KCNAB1: variants seen among roughly 807,000 people sequenced by gnomAD.
KCNAB1 encodes the protein potassium voltage-gated channel subfamily A regulatory beta subunit 1.
KCNAB1 carries 35 observed loss-of-function variants against 64.6 expected under a neutral mutation model. The observed-to-expected ratio is 0.54, with a 90% CI of 0.41 to 0.72. The LOEUF (loss-of-function observed/expected upper bound fraction) is 0.72. Ranked by LOEUF, KCNAB1 falls within the 30% of genes least tolerant of loss-of-function variation. The pLI, the probability that KCNAB1 is intolerant of heterozygous loss-of-function variation, is 0.00. For synonymous variants in KCNAB1, 177 were observed against 183.8 expected (o/e 0.96, Z 0.30); for missense variants, 401 against 512.9 (o/e 0.78, Z 2.11).
At chr3:156,133,059 G>T (rs1714095980) in intron 1 of KCNAB1, among the ~76,000 whole-genome samples, 1 of 152,140 alleles carries the variant, frequency 6.6e-6, no homozygotes. Flanking sequence ...AAAGCCTAAG[G>T]TACATTTCGT....
chr3:156,432,222 T>C (rs962940651), intron 2 of KCNAB1, among the ~76,000 whole-genome samples: 1 of 152,176 alleles, frequency 6.6e-6, no homozygotes, highest in Admixed American at 6.5e-5. Context: ...AAAACTGAAA[T>C]TCTCCCAGCT....
At chr3:156,410,359 T>C (rs1714563996) in intron 1 of KCNAB1, among the ~76,000 whole-genome samples, 1 of 148,414 alleles carries the variant, frequency 6.7e-6, no homozygotes, top group South Asian at 2.1e-4. Context: ...AAAGACTGTT[T>C]CCAAAATTAT....
In KCNAB1 at chr3:156,452,957, A is replaced by G; in HGVS notation, c.357+21A>G. 1.3e-6 allele frequency: 2 copies of G among 1,574,122 alleles called. No individual in the cohort carries two copies. The highest frequency in any genetic ancestry group is 8.7e-7 in the Non-Finnish European group (1 of 1,149,400). On this transcript the variant is annotated intron_variant, in intron 3 of 13. Coordinates refer to ENST00000490337, the MANE Select transcript of KCNAB1 (RefSeq NM_172160.3). The surrounding 1 kb of genome is among the most constrained non-coding windows in gnomAD (Gnocchi z 4.6). Reference sequence around the variant, plus strand: ...ATGAGGTAAGTTACCTTTGGCCTCTATTATGCTAATGAAAGAAAATGCAGA... The same window carrying G: ...ATGAGGTAAGTTACCTTTGGCCTCTGTTATGCTAATGAAAGAAAATGCAGA...
At chr3:156,297,777 CGTGTGCTCGTGTGCGTGTGTGT>C (rs940314237) in intron 1 of KCNAB1, among the ~76,000 whole-genome samples, 2 of 151,316 alleles carry the variant, frequency 1.3e-5, no homozygotes, top group Admixed American at 1.3e-4. Context: ...TGTGTGTGCG[CGTGTGCTCGTGTGCGTGTGTGT>C]GTGCATGCAA....
chr3:156,123,161 T>C (rs759233559), intron 1 of KCNAB1, among the ~76,000 whole-genome samples: 2 of 152,210 alleles, frequency 1.3e-5, no homozygotes, highest in Non-Finnish European at 2.9e-5. Flanking sequence ...AGAAGATAAA[T>C]ATGATTAACT....
At chr3:156,218,816 A>G (rs963174776) in intron 1 of KCNAB1, among the ~76,000 whole-genome samples, 3 of 147,154 alleles carry the variant, frequency 2.0e-5, no homozygotes, top group East Asian at 2.0e-4. Flanking sequence ...ATAATAAAAT[A>G]AAATAAAAAT....
rs184599167 is a variant in KCNAB1, at chr3:156,180,584, A to G, written c.275+59698A>G. Among the ~76,000 whole-genome samples the G allele has an allele frequency of 7.9e-5, 12 of 152,260 alleles. No individual in the cohort carries two copies. The East Asian group carries it at 1.9e-3, about 24-fold the overall frequency. ...CCATTTTCTACTTTTTTTTTACAGT[A>G]ATATTTAAGTGAATTATTCTGCAAT... On this transcript the variant is annotated intron_variant, in intron 1 of 13. Coordinates refer to ENST00000490337, the MANE Select transcript of KCNAB1 (RefSeq NM_172160.3).
intron 1 of KCNAB1, among the ~76,000 whole-genome samples, chr3:156,367,263 C>T (rs1726007530): frequency 6.6e-6 from 1 of 151,352 alleles, no homozygotes; most frequent in African/African-American, 2.4e-5. Context: ...GCAGGCTCCA[C>T]CTCCTGGGTT....
At chr3:156,511,637 G>C (rs1453646833) in intron 8 of KCNAB1, among the ~76,000 whole-genome samples, 1 of 151,994 alleles carries the variant, frequency 6.6e-6, no homozygotes, top group African/African-American at 2.4e-5. Context: ...CACTCTCTCT[G>C]TTTGCCATCA....
chr3:156,288,545 A>G (rs368179727), intron 1 of KCNAB1, among the ~76,000 whole-genome samples: 5 of 152,204 alleles, frequency 3.3e-5, no homozygotes, highest in African/African-American at 9.6e-5. Context: ...GCCAAGTGTT[A>G]TCTAATTTCT....
At chr3:156,465,062 C>A (rs1157442405) in intron 6 of KCNAB1, among the ~76,000 whole-genome samples, 1 of 152,056 alleles carries the variant, frequency 6.6e-6, no homozygotes, top group Non-Finnish European at 1.5e-5. Context: ...AATTCAAGTA[C>A]CATATTTCAT....
At chr3:156,137,712 A>AT (rs66960245) in intron 1 of KCNAB1, among the ~76,000 whole-genome samples, 78,972 of 141,026 alleles carry the variant, frequency 0.56, 22,476 homozygotes, top group Admixed American at 0.71. Flanking sequence ...CGTCTGGCTA[A>AT]TTTTTTTTTT....
chr3:156,418,292 A>G (rs1715228984), intron 1 of KCNAB1, among the ~76,000 whole-genome samples: 1 of 152,240 alleles, frequency 6.6e-6, no homozygotes, highest in Admixed American at 6.5e-5. Context: ...ACAATGTCAC[A>G]TAAGATTATG....
chr3:156,372,376 T>C (rs1302280011), intron 1 of KCNAB1, among the ~76,000 whole-genome samples: 2 of 152,202 alleles, frequency 1.3e-5, no homozygotes, highest in Non-Finnish European at 2.9e-5. Flanking sequence ...TAGGGTTGTT[T>C]TCAGGATTAA....
Position 156,508,898 on chromosome 3 carries a change from G to A in KCNAB1, c.659-5466G>A, listed in dbSNP as rs564611927. ...TGATTATTTCAACCTGGAAAGGAGC[G>A]CAGAGGGAGGACTTAACAAAGTCTT... is the stretch of plus-strand genomic sequence containing the variant. On this transcript the variant is annotated intron_variant, in intron 8 of 13. Transcript: ENST00000490337. This position sits in a 1 kb window ranked among gnomAD's most constrained non-coding sequence, Gnocchi z 4.1. Among the ~76,000 whole-genome samples, 1 of 152,162 alleles carries A rather than the reference G, an allele frequency of 6.6e-6. No homozygotes were observed. Among genetic ancestry groups the A allele is most frequent in the Admixed American group, 6.5e-5 (1 of 15,282 alleles).
intron 1 of KCNAB1, among the ~76,000 whole-genome samples, chr3:156,191,134 C>T (rs917962627): frequency 6.6e-6 from 1 of 152,228 alleles, no homozygotes; most frequent in Admixed American, 6.5e-5. Flanking sequence ...AAACAAATAT[C>T]AACTGGTTAG....
At chr3:156,278,166 G>A (rs1427246959) in intron 1 of KCNAB1, among the ~76,000 whole-genome samples, 2 of 152,154 alleles carry the variant, frequency 1.3e-5, no homozygotes, top group Non-Finnish European at 2.9e-5. Context: ...TATATTAGAT[G>A]TTATGAGATA....
At chr3:156,398,848 A>G (rs3821420) in intron 1 of KCNAB1, among the ~76,000 whole-genome samples, 48,570 of 152,052 alleles carry the variant, frequency 0.32, 10,977 homozygotes, top group African/African-American at 0.65. Flanking sequence ...TGTCTCCTGG[A>G]GCATATCCAT....
chr3:156,346,606 A>C (rs887689367), intron 1 of KCNAB1, among the ~76,000 whole-genome samples: 1 of 152,246 alleles, frequency 6.6e-6, no homozygotes, highest in Non-Finnish European at 1.5e-5. Context: ...ATTATGTACC[A>C]GTTTTTCTTT....
Sources: allele counts gnomAD v4.1 joint callset (sites outside exome capture counted in the v4.1 genomes callset), GRCh38; gene constraint gnomAD v4.1.1; non-coding constraint Gnocchi (gnomAD v3.1); transcripts MANE v1.5; gene names NCBI Gene and HGNC (gene_info 2026-07-23, HGNC 2026-07-21).